The following TAFA1 variants were observed in gnomAD, a reference collection of about 807,000 sequenced individuals.
The protein encoded by TAFA1 is chemokine-like protein TAFA-1.
In TAFA1, 4 loss-of-function variants were observed where a neutral mutation model predicts 18.5. The observed-to-expected ratio is 0.22, with a 90% CI of 0.11 to 0.49. The LOEUF is 0.49. Ranked by LOEUF, TAFA1 falls within the 20% of genes least tolerant of loss-of-function variation. TAFA1 has a pLI of 0.98. For synonymous variants in TAFA1, 56 were observed against 55.2 expected, an observed-to-expected ratio of 1.01 and a Z score of -0.06; for missense variants, 147 against 169.0, an observed-to-expected ratio of 0.87 and a Z score of 0.72.
At chr3:68,352,983 C>A (rs933518662) in intron 2 of TAFA1, among the ~76,000 whole-genome samples, 4 of 151,990 alleles carry the variant, frequency 2.6e-5, no homozygotes, top group Admixed American at 6.6e-5. Context: ...AGCGAAGAAG[C>A]CAAATTGACC....
intron 2 of TAFA1, among the ~76,000 whole-genome samples, chr3:68,415,368 C>A (rs934932414): frequency 2.0e-5 from 3 of 152,102 alleles, no homozygotes; most frequent in African/African-American, 7.2e-5. Context: ...CAACTAAACA[C>A]AGGAAATGTG....
At chr3:68,351,675 C>A (rs1434462800) in intron 2 of TAFA1, among the ~76,000 whole-genome samples, 1 of 151,838 alleles carries the variant, frequency 6.6e-6, no homozygotes, top group East Asian at 1.9e-4. Context: ...CTAGGGGTAG[C>A]AATTTAAGGG....
At chr3:68,140,273 C>T (rs1205240779) in intron 2 of TAFA1, among the ~76,000 whole-genome samples, 1 of 152,192 alleles carries the variant, frequency 6.6e-6, no homozygotes, top group Admixed American at 6.5e-5. Flanking sequence ...TCTTCACTTA[C>T]TGCATATAAA....
intron 2 of TAFA1, among the ~76,000 whole-genome samples, chr3:68,164,659 G>A (rs2065962665): frequency 6.6e-6 from 1 of 151,814 alleles, no homozygotes; most frequent in African/African-American, 2.4e-5. Context: ...GTGTGTGTGT[G>A]TGGGAGGTAG....
At chr3:68,542,168 A>T (rs890454248) in intron 4 of TAFA1, among the ~76,000 whole-genome samples, 1 of 152,178 alleles carries the variant, frequency 6.6e-6, no homozygotes, top group South Asian at 2.1e-4. Context: ...ATGCCACCCT[A>T]TAGAAAGGAA....
intron 3 of TAFA1, among the ~76,000 whole-genome samples, chr3:68,499,424 T>C (rs2072615416): frequency 6.9e-6 from 1 of 145,138 alleles, no homozygotes; most frequent in Non-Finnish European, 1.5e-5. Flanking sequence ...CTTCTTTGTT[T>C]TCTTTCTTTC....
At chr3:68,358,842 TA>T (rs1397408548) in intron 2 of TAFA1, among the ~76,000 whole-genome samples, 1 of 151,758 alleles carries the variant, frequency 6.6e-6, no homozygotes, top group East Asian at 2.0e-4. Context: ...ACCATTTTTG[TA>T]AACTGTTGTC....
chr3:68,288,701 T>C (rs959269265), intron 2 of TAFA1, among the ~76,000 whole-genome samples: 2 of 152,234 alleles, frequency 1.3e-5, no homozygotes, highest in East Asian at 1.9e-4. Flanking sequence ...ATTCGTCTTA[T>C]GCAAAACATA....
At chr3:68,075,624 T>C (rs2064813649) in intron 2 of TAFA1, among the ~76,000 whole-genome samples, 1 of 152,068 alleles carries the variant, frequency 6.6e-6, no homozygotes, top group African/African-American at 2.4e-5. Context: ...CTCAAGTGGG[T>C]AGAAAAATGA....
At chr3:68,505,192 C>G (rs1206470079) in intron 3 of TAFA1, among the ~76,000 whole-genome samples, 1 of 152,082 alleles carries the variant, frequency 6.6e-6, no homozygotes. Flanking sequence ...GAGAGAGAAA[C>G]ATTTTACACT....
intron 2 of TAFA1, among the ~76,000 whole-genome samples, chr3:68,092,038 C>T (rs1313498158): frequency 1.3e-5 from 2 of 152,102 alleles, no homozygotes; most frequent in Admixed American, 6.6e-5. Context: ...GTCCCATTTC[C>T]TGGAATTATC....
intron 2 of TAFA1, among the ~76,000 whole-genome samples, chr3:68,039,885 C>T (rs930819085): frequency 1.3e-5 from 2 of 152,130 alleles, no homozygotes; most frequent in African/African-American, 4.8e-5. Context: ...GTGAATAAAC[C>T]AGGGTATTAA....
intron 3 of TAFA1, among the ~76,000 whole-genome samples, chr3:68,522,370 G>A (rs13094511): frequency 0.12 from 18,334 of 152,202 alleles, 1,348 homozygotes; most frequent in Admixed American, 0.19. Context: ...AGTGGAAGGA[G>A]AGCAGTTCCA....
At chr3:68,075,428 C>T (rs925881951) in intron 2 of TAFA1, among the ~76,000 whole-genome samples, 1 of 152,126 alleles carries the variant, frequency 6.6e-6, no homozygotes, top group African/African-American at 2.4e-5. Flanking sequence ...ACATTCAACC[C>T]CACAAAGAAA....
intron 3 of TAFA1, among the ~76,000 whole-genome samples, chr3:68,505,578 C>T (rs2072733917): frequency 6.6e-6 from 1 of 152,164 alleles, no homozygotes; most frequent in Non-Finnish European, 1.5e-5. Context: ...GCTGTGTTCT[C>T]ATCTGGAGGC....
chr3:68,076,802 T>C (rs1465561880), intron 2 of TAFA1, among the ~76,000 whole-genome samples: 2 of 152,264 alleles, frequency 1.3e-5, no homozygotes, highest in Admixed American at 6.5e-5. Context: ...GCATGATTTA[T>C]AGTCCTTTGG....
At chr3:68,435,858 A>G (rs530394294) in intron 3 of TAFA1, among the ~76,000 whole-genome samples, 1 of 152,314 alleles carries the variant, frequency 6.6e-6, no homozygotes, top group South Asian at 2.1e-4. Flanking sequence ...GGCCCTTCAT[A>G]TAAGGGAAAT....
At chr3:68,360,665 T>A (rs1171714342) in intron 2 of TAFA1, among the ~76,000 whole-genome samples, 1 of 152,000 alleles carries the variant, frequency 6.6e-6, no homozygotes, top group Non-Finnish European at 1.5e-5. Flanking sequence ...TCTGTACATG[T>A]AAGTATGACA....
intron 4 of TAFA1, among the ~76,000 whole-genome samples, chr3:68,541,723 C>T (rs2073378590): frequency 6.6e-6 from 1 of 152,144 alleles, no homozygotes; most frequent in Non-Finnish European, 1.5e-5. Flanking sequence ...TTCCTTCATA[C>T]TGTTATTTTA....
Sources: gnomAD v4.1 joint callset for allele counts (sites outside exome capture counted in the v4.1 genomes callset) on GRCh38, gnomAD v4.1.1 for gene constraint, MANE v1.5 for transcripts, NCBI Gene and HGNC (gene_info 2026-07-23, HGNC 2026-07-21) for gene names.